Variants in DPYSL5 observed in about 807,000 individuals in gnomAD.
DPYSL5 encodes the protein dihydropyrimidinase like 5.
A neutral mutation model predicts 58.4 loss-of-function variants in DPYSL5; 9 were observed. The ratio of observed to expected loss-of-function variants is 0.15; its 90% CI spans 0.09 to 0.27. The LOEUF (loss-of-function observed/expected upper bound fraction) is 0.27. Ranked by LOEUF, DPYSL5 falls within the 10% of genes least tolerant of loss-of-function variation. DPYSL5 has a pLI of 1.00. For synonymous variants in DPYSL5, 293 were observed against 301.9 expected, an observed-to-expected ratio of 0.97 and a Z score of 0.31; for missense variants, 499 against 770.6, an observed-to-expected ratio of 0.65 and a Z score of 4.17.
Position 26,898,874 on chromosome 2 carries a change from G to A in DPYSL5, c.261+114G>A, listed in dbSNP as rs1664083779. 3 of 1,337,794 alleles carry A rather than the reference G, an allele frequency of 2.2e-6. No homozygotes were observed. The highest frequency in any genetic ancestry group is 1.5e-5 in the South Asian group (1 of 66,756). 82.9% of individuals were successfully genotyped at this position (1,337,794 alleles called of 1,614,324 possible). A position where few individuals can be genotyped will look rare whatever the true frequency, so the allele number is the denominator to read the frequency against. On this transcript the variant is annotated intron_variant, in intron 2 of 12. Coordinates refer to ENST00000288699, the MANE Select transcript of DPYSL5 (RefSeq NM_020134.4). The surrounding 1 kb of genome is among the most constrained non-coding windows in gnomAD (Gnocchi z 6.1). ...GGTGCTCCCAGTGTATTGCTGGCAG[G>A]AGAAGGGTGTGTCAGGGCCACTGTG... is the stretch of plus-strand genomic sequence containing the variant.
At chr2:26,854,078 T>TA (rs1297202461) in intron 1 of DPYSL5, among the ~76,000 whole-genome samples, 2 of 152,156 alleles carry the variant, frequency 1.3e-5, no homozygotes, top group African/African-American at 4.8e-5. Flanking sequence ...TTATAGATGT[T>TA]AACCACATCT....
Position 26,905,600 on chromosome 2 carries a change from G to A in DPYSL5, c.261+6840G>A, listed in dbSNP as rs1045077760. Among the ~76,000 whole-genome samples the A allele has an allele frequency of 3.3e-5, 5 of 152,038 alleles. No individual in the cohort carries two copies. Among genetic ancestry groups the A allele is most frequent in the Admixed American group, 2.6e-4 (4 of 15,268 alleles). ...GCTGCCCTACCACCCCTCCGGCCTA[G>A]CTGTGGGGGCTGGGATTGGCATAGC... On this transcript the variant is annotated intron_variant, in intron 2 of 12. Coordinates refer to ENST00000288699, the MANE Select transcript of DPYSL5 (RefSeq NM_020134.4). The surrounding 1 kb of genome is among the most constrained non-coding windows in gnomAD (Gnocchi z 4.0).
At position 26,946,964 on chromosome 2, in the gene DPYSL5, C is replaced by T. The variant is rs1201704737; in HGVS notation, c.1664C>T (p.Pro555Leu). 6.2e-7 allele frequency: 1 copy of T among 1,614,104 alleles called. No homozygotes were observed. Among genetic ancestry groups the T allele is most frequent in the South Asian group, 1.1e-5 (1 of 91,068 alleles). ...CGAGCTTCAGCTCGGATCCTCGCTCCTCCCGGAGGCAGGTCGAGTGGCATT... is the reference window on the plus strand; with the variant it reads ...CGAGCTTCAGCTCGGATCCTCGCTCTTCCCGGAGGCAGGTCGAGTGGCATT... ...PKRASARILAPPGGRSSGIW is the reference protein window; with the variant it reads ...PKRASARILALPGGRSSGIW The change falls in exon 13 of 13, where the codon CCT (proline) becomes CTT (leucine). Residue 555 changes from proline (P) to leucine (L), a missense_variant. Transcript: ENST00000288699.
intron 1 of DPYSL5, among the ~76,000 whole-genome samples, chr2:26,884,527 C>G (rs1227310973): frequency 1.3e-5 from 2 of 151,276 alleles, no homozygotes; most frequent in African/African-American, 2.4e-5. Context: ...ATCTCACACA[C>G]ACACACACAC....
At chr2:26,928,900 C>CCT (rs1369443303) in intron 5 of DPYSL5, among the ~76,000 whole-genome samples, 30 of 151,512 alleles carry the variant, frequency 2.0e-4, no homozygotes, top group African/African-American at 6.3e-4. Flanking sequence ...AAAAGACAGA[C>CCT]TGAAAAGGCC....
intron 1 of DPYSL5, among the ~76,000 whole-genome samples, chr2:26,880,626 C>T (rs1432198736): frequency 6.6e-6 from 1 of 152,236 alleles, no homozygotes; most frequent in Non-Finnish European, 1.5e-5. Flanking sequence ...CCTACCTCCG[C>T]CTCCCCTCTT....
In DPYSL5 at chr2:26,927,383, T is replaced by C. The variant is rs1226082471; in HGVS notation, c.551T>C (p.Ile184Thr). ...CAAGTGTTGCACGCTTGCAAGGACA[T>C]TGGGGCAATCGCCCGCGTCCATGCT... ...LYQVLHACKD[I>T]GAIARVHAEN... Residue 184 changes from isoleucine (I) to threonine (T), a missense_variant, in exon 4 of 13, where the codon ATT (isoleucine) becomes ACT (threonine). Transcript: ENST00000288699. The surrounding 1 kb of genome is among the most constrained non-coding windows in gnomAD (Gnocchi z 4.3). 3.7e-6 allele frequency: 6 copies of C among 1,614,126 alleles called. No homozygotes were observed. The highest frequency in any genetic ancestry group is 2.2e-5 in the South Asian group (2 of 91,092).
At chr2:26,900,301 A>T (rs917815511) in intron 2 of DPYSL5, among the ~76,000 whole-genome samples, 1 of 152,228 alleles carries the variant, frequency 6.6e-6, no homozygotes, top group African/African-American at 2.4e-5. Flanking sequence ...ATGTATTTAA[A>T]GTGTGTAAGT....
At chr2:26,896,090 T>C (rs1030567559) in intron 1 of DPYSL5, among the ~76,000 whole-genome samples, 1 of 152,160 alleles carries the variant, frequency 6.6e-6, no homozygotes, top group East Asian at 1.9e-4. Context: ...TGTTCTCTAT[T>C]TCTATGGATC....
rs1572664415 is a variant in DPYSL5 at position 26,849,279 on chromosome 2, C to A, written c.-5+1025C>A. Among the ~76,000 whole-genome samples, 1 of 150,968 alleles carries A rather than the reference C, an allele frequency of 6.6e-6. No homozygotes were observed. Among genetic ancestry groups the A allele is most frequent in the Non-Finnish European group, 1.5e-5 (1 of 67,610 alleles). ...GCCGCCTGGGTTTGAGGAGGGAGGA[C>A]GGGAGCGAGGAGAAGACCCGCGCTG... On this transcript the variant is annotated intron_variant, in intron 1 of 12. Coordinates refer to ENST00000288699, the MANE Select transcript of DPYSL5 (RefSeq NM_020134.4). This position sits in a 1 kb window ranked among gnomAD's most constrained non-coding sequence, Gnocchi z 6.2.
At chr2:26,854,600 A>C (rs762699275) in intron 1 of DPYSL5, among the ~76,000 whole-genome samples, 11 of 152,224 alleles carry the variant, frequency 7.2e-5, no homozygotes, top group Non-Finnish European at 1.5e-4. Context: ...GCAATAGGCT[A>C]TCCCATTACA....
chr2:26,849,001 G>A lies in DPYSL5; in HGVS notation c.-5+747G>A, dbSNP rs1285343537. On this transcript the variant is annotated intron_variant, in intron 1 of 12. Coordinates refer to ENST00000288699, the MANE Select transcript of DPYSL5 (RefSeq NM_020134.4). The surrounding 1 kb of genome is among the most constrained non-coding windows in gnomAD (Gnocchi z 6.2). The stretch of plus-strand genomic sequence containing the variant: ...GCCTGGGGACGGGGCTGTAGTCTGA[G>A]CTGGAGAGAAGCCGGGAGAGGGCGA... Among the ~76,000 whole-genome samples, 5 of 152,210 alleles carry A rather than the reference G, an allele frequency of 3.3e-5. No individual in the cohort carries two copies. The highest frequency in any genetic ancestry group is 3.3e-4 in the Admixed American group (5 of 15,290).
chr2:26,856,745 C>T (rs138525827), intron 1 of DPYSL5, among the ~76,000 whole-genome samples: 3 of 151,758 alleles, frequency 2.0e-5, no homozygotes, highest in Non-Finnish European at 4.4e-5. Context: ...GTATACAATG[C>T]AGCTGTTTAA....
chr2:26,869,461 C>G (rs1018554516), intron 1 of DPYSL5, among the ~76,000 whole-genome samples: 1 of 152,102 alleles, frequency 6.6e-6, no homozygotes, highest in Non-Finnish European at 1.5e-5. Flanking sequence ...CAGACACTCC[C>G]CATTCCCACC....
chr2:26,882,171 A>C (rs1158577675), intron 1 of DPYSL5, among the ~76,000 whole-genome samples: 2 of 151,922 alleles, frequency 1.3e-5, no homozygotes, highest in African/African-American at 4.8e-5. Flanking sequence ...AATAAGAGGG[A>C]AAGTTTTCCA....
rs1252040285 is a variant in DPYSL5, at chr2:26,898,485, CCTT to C, written c.-4-7_-4-5del. 8.1e-6 allele frequency: 13 copies of C among 1,612,212 alleles called. No homozygotes were observed. The highest frequency in any genetic ancestry group is 1.1e-5 in the Non-Finnish European group (13 of 1,178,540). On this transcript the variant is annotated splice_polypyrimidine_tract_variant and splice_region_variant and intron_variant, in intron 1 of 12. Coordinates refer to ENST00000288699, the MANE Select transcript of DPYSL5 (RefSeq NM_020134.4). The surrounding 1 kb of genome is among the most constrained non-coding windows in gnomAD (Gnocchi z 6.1). ...GGGACTTTGACCTTGACCATGCTCA[CCTT>C]CTTGTAGGAACATGCTTGCCAACTC... is the stretch of plus-strand genomic sequence containing the variant.
In DPYSL5 at chr2:26,924,813, G is replaced by A; in HGVS notation, c.262-74G>A. 1 of 1,546,898 alleles carries A rather than the reference G, an allele frequency of 6.5e-7. No individual in the cohort carries two copies. Among genetic ancestry groups the A allele is most frequent in the Non-Finnish European group, 8.7e-7 (1 of 1,144,486 alleles). Reference sequence around the variant, plus strand: ...GGCCTGTCTTTGAATGGACCATGAGGACCATGTCTCACCACATCATTGACT... The same window carrying A: ...GGCCTGTCTTTGAATGGACCATGAGAACCATGTCTCACCACATCATTGACT... On this transcript the variant is annotated intron_variant, in intron 2 of 12. Transcript: ENST00000288699. The surrounding 1 kb of genome is among the most constrained non-coding windows in gnomAD (Gnocchi z 4.7).
At chr2:26,895,335 G>T (rs1663983738) in intron 1 of DPYSL5, among the ~76,000 whole-genome samples, 1 of 152,196 alleles carries the variant, frequency 6.6e-6, no homozygotes, top group South Asian at 2.1e-4. Flanking sequence ...ACACCATGTT[G>T]AGTCTTCCAA....
chr2:26,921,742 G>A (rs921271253), intron 2 of DPYSL5, among the ~76,000 whole-genome samples: 9 of 152,226 alleles, frequency 5.9e-5, no homozygotes, highest in East Asian at 3.9e-4. Flanking sequence ...CTCTTGTTTC[G>A]AGGCCTTGGG....
Sources: gnomAD v4.1 joint callset for allele counts (sites outside exome capture counted in the v4.1 genomes callset) on GRCh38, gnomAD v4.1.1 for gene constraint, Gnocchi (gnomAD v3.1) non-coding constraint, MANE v1.5 for transcripts, NCBI Gene and HGNC (gene_info 2026-07-23, HGNC 2026-07-21) for gene names.